The following HFM1 variants were observed in gnomAD, a reference collection of about 807,000 sequenced individuals.
HFM1 encodes the protein helicase for meiosis 1, also known as probable ATP-dependent DNA helicase HFM1.
In HFM1, 169 loss-of-function variants were observed where a neutral mutation model predicts 192.1. The observed-to-expected ratio is 0.88, with a 90% CI of 0.78 to 1.00. The LOEUF (loss-of-function observed/expected upper bound fraction) is 1.00. Among genes scored for constraint, HFM1 ranks in the 50% least tolerant of loss-of-function variants. HFM1 has a pLI of 0.00. For missense variants in HFM1, 1,661 were observed against 1,668.0 expected (o/e 1.00, Z 0.07); for synonymous variants, 525 against 537.8 (o/e 0.98, Z 0.33).
chr1:91,362,276 T>C (rs1480151054), intron 13 of HFM1, among the ~76,000 whole-genome samples: 1 of 152,102 alleles, frequency 6.6e-6, no homozygotes, highest in African/African-American at 2.4e-5. Context: ...GATGACATGA[T>C]CCTATATTTA....
At chr1:91,371,794 A>G (rs913652399) in intron 13 of HFM1, among the ~76,000 whole-genome samples, 1 of 151,956 alleles carries the variant, frequency 6.6e-6, no homozygotes, top group African/African-American at 2.4e-5. Flanking sequence ...ATCAGAGTGA[A>G]TAGGCAGCCT....
At chr1:91,332,378 G>A (rs1218428480) in intron 20 of HFM1, among the ~76,000 whole-genome samples, 1 of 152,134 alleles carries the variant, frequency 6.6e-6, no homozygotes, top group African/African-American at 2.4e-5. Flanking sequence ...AATAAATGGT[G>A]CTGAGAAAAC....
rs114570239 is a variant in HFM1, at chr1:91,316,516, A to C, written c.2813-40T>G. 866 of 913,990 alleles carry C rather than the reference A, an allele frequency of 9.5e-4. 2 individuals are homozygous for C. The African/African-American group carries it at 0.013, about 14-fold the overall frequency. The allele number at this position is 913,990 out of a possible 1,614,324, so 56.6% of individuals were successfully genotyped here. On this transcript the variant is annotated intron_variant, in intron 25 of 38. Coordinates refer to ENST00000370425, the MANE Select transcript of HFM1 (RefSeq NM_001017975.6). ...TCAAACAACAACTTAAAAATAATGC[A>C]CTTTAAATAAAACATATATTTAAAT... is the stretch of plus-strand genomic sequence containing the variant.
At chr1:91,266,242 T>C in intron 35 of HFM1, 135 bp from the exon 36 acceptor site, 1 of 653,470 alleles carries the variant, frequency 1.5e-6, no homozygotes, top group Non-Finnish European at 2.5e-6. Flanking sequence ...GTAACCTAAT[T>C]TAATTTGCAT....
chr1:91,319,248 GT>G (rs775327035), intron 24 of HFM1, 39 bp from the exon 25 acceptor site: 3 of 1,603,928 alleles, frequency 1.9e-6, no homozygotes, highest in Non-Finnish European at 8.5e-7. Context: ...TAATATACCA[GT>G]TTATTGGAAA....
chr1:91,340,898 T>C (rs1382463399), intron 20 of HFM1, among the ~76,000 whole-genome samples: 2 of 152,160 alleles, frequency 1.3e-5, no homozygotes, highest in Non-Finnish European at 2.9e-5. Context: ...GATTTAACTA[T>C]CCTAAATATA....
At chr1:91,325,810 C>G (rs1004945981) in intron 20 of HFM1, among the ~76,000 whole-genome samples, 2 of 151,968 alleles carry the variant, frequency 1.3e-5, no homozygotes, top group African/African-American at 4.8e-5. Context: ...ACCTTTCAGA[C>G]AGAGAATTCA....
At chr1:91,274,843 G>A in intron 32 of HFM1, 34 bp from the exon 33 acceptor site, 2 of 1,096,606 alleles carry the variant, frequency 1.8e-6, no homozygotes, top group Non-Finnish European at 2.8e-6. Flanking sequence ...TCAACTATCA[G>A]TTTCACATCA....
At chr1:91,328,890 G>A in intron 20 of HFM1, 1 of 1,610,724 alleles carries the variant, frequency 6.2e-7, no homozygotes, top group South Asian at 1.1e-5. Flanking sequence ...GTGAAGGCTG[G>A]CAAAGTCTAT....
chr1:91,305,598 C>T (rs1570887567), intron 30 of HFM1, among the ~76,000 whole-genome samples: 3 of 151,770 alleles, frequency 2.0e-5, no homozygotes, highest in African/African-American at 7.3e-5. Flanking sequence ...GACAAGGTCT[C>T]ACTCTGTTGC....
At position 91,396,398 on chromosome 1, in the gene HFM1, C is replaced by G; in HGVS notation, c.79G>C (p.Asp27His). 1 of 1,540,830 alleles carries G rather than the reference C, an allele frequency of 6.5e-7. No individual in the cohort carries two copies. Among genetic ancestry groups the G allele is most frequent in the Non-Finnish European group, 8.9e-7 (1 of 1,122,284 alleles). Residue 27 changes from aspartate to histidine, a missense_variant, in exon 3 of 39, where the codon GAC (aspartate) becomes CAC (histidine). Physicochemically the swap from Asp to His is moderately conservative, Grantham distance 81. Coordinates refer to ENST00000370425, the MANE Select transcript of HFM1 (RefSeq NM_001017975.6). ...EKPDEVENHP[D>H]NEKSLDWFLP... ...AACCAATCCAATGACTTTTCATTGT[C>G]TGGATGGCTATATAAAATATAAAAA... is the stretch of plus-strand genomic sequence containing the variant.
intron 4 of HFM1, among the ~76,000 whole-genome samples, chr1:91,393,542 A>G (rs552618071): frequency 6.6e-6 from 1 of 152,228 alleles, no homozygotes; most frequent in African/African-American, 2.4e-5. Flanking sequence ...TCTCATATCC[A>G]ATAATCACTT....
intron 34 of HFM1, among the ~76,000 whole-genome samples, chr1:91,272,439 T>C (rs1666394836): frequency 5.3e-5 from 8 of 151,956 alleles, no homozygotes. Flanking sequence ...AGTATCTAGA[T>C]GAGACTTTAA....
intron 30 of HFM1, among the ~76,000 whole-genome samples, chr1:91,294,477 T>C (rs764508153): frequency 2.6e-5 from 4 of 152,236 alleles, no homozygotes; most frequent in African/African-American, 4.8e-5. Context: ...CTCCTTGCTC[T>C]ATAGCAGGGG....
intron 1 of HFM1, among the ~76,000 whole-genome samples, chr1:91,401,332 T>C (rs1664287874): frequency 6.6e-6 from 1 of 152,200 alleles, no homozygotes; most frequent in South Asian, 2.1e-4. Context: ...CTCTTCATAG[T>C]GCTCCAATGC....
intron 19 of HFM1, among the ~76,000 whole-genome samples, chr1:91,344,767 G>A (rs1315323168): frequency 1.1e-5 from 1 of 91,846 alleles, no homozygotes; most frequent in Admixed American, 1.3e-4. Context: ...TTTTTTTTGA[G>A]ACTTGGTCTC....
chr1:91,381,128 T>A (rs1377543245), intron 6 of HFM1, 146 bp from the exon 7 acceptor site: 2 of 563,470 alleles, frequency 3.5e-6, no homozygotes, highest in Admixed American at 6.6e-5. Context: ...AGGAAAAGAA[T>A]TATCATAAAT....
intron 34 of HFM1, among the ~76,000 whole-genome samples, chr1:91,273,494 A>C (rs1666506508): frequency 6.6e-6 from 1 of 152,104 alleles, no homozygotes; most frequent in Non-Finnish European, 1.5e-5. Flanking sequence ...AGCATTATGT[A>C]GGAAAGAGAT....
At chr1:91,387,656 T>C (rs550623680) in intron 4 of HFM1, among the ~76,000 whole-genome samples, 1 of 149,744 alleles carries the variant, frequency 6.7e-6, no homozygotes, top group Admixed American at 6.7e-5. Flanking sequence ...CTCAGTAAAC[T>C]ATCGCAAGAA....
Sources: allele counts gnomAD v4.1 joint callset (sites outside exome capture counted in the v4.1 genomes callset), GRCh38; gene constraint gnomAD v4.1.1; transcripts MANE v1.5; gene names NCBI Gene and HGNC (gene_info 2026-07-23, HGNC 2026-07-21).